The following KIF1B variants were observed in gnomAD, a reference collection of about 807,000 sequenced individuals.
KIF1B encodes the protein kinesin-like protein KIF1B.
KIF1B carries 76 observed loss-of-function variants against 241.9 expected under a neutral mutation model. The observed-to-expected ratio is 0.31, with a 90% CI of 0.26 to 0.38. The LOEUF is 0.38. Among genes scored for constraint, KIF1B ranks in the 10% least tolerant of loss-of-function variants. The pLI is 1.00. For synonymous variants in KIF1B, 750 were observed against 796.7 expected (o/e 0.94, Z 0.99); for missense variants, 1,622 against 2,271.4 (o/e 0.71, Z 5.81).
chr1:10,359,524 AC>A (rs1638353271), intron 38 of KIF1B, among the ~76,000 whole-genome samples: 1 of 152,212 alleles, frequency 6.6e-6, no homozygotes. Flanking sequence ...ATGTTGTTTT[AC>A]CAGTAGAAAA....
chr1:10,324,691 C>A, intron 25 of KIF1B, 67 bp from the exon 26 acceptor site: 1 of 1,543,998 alleles, frequency 6.5e-7, no homozygotes, highest in Non-Finnish European at 8.9e-7. Flanking sequence ...ACGGAAGATG[C>A]TTCCAAAGTG....
At chr1:10,261,772 C>G in intron 4 of KIF1B, 133 bp from the exon 5 acceptor site, 1 of 711,362 alleles carries the variant, frequency 1.4e-6, no homozygotes, top group Non-Finnish European at 2.6e-6. Context: ...TTAATCGTAT[C>G]TTGATGTTTA....
intron 1 of KIF1B, among the ~76,000 whole-genome samples, chr1:10,229,867 CAAAA>C (rs58923572): frequency 3.9e-4 from 22 of 56,464 alleles, no homozygotes; most frequent in African/African-American, 1.8e-3. Context: ...GACTCCGTCT[CAAAA>C]AAAAAAAAAA....
intron 10 of KIF1B, among the ~76,000 whole-genome samples, chr1:10,273,811 G>A (rs1648952629): frequency 6.7e-6 from 1 of 149,902 alleles, no homozygotes; most frequent in East Asian, 1.9e-4. Flanking sequence ...TAGAAAAAGT[G>A]CTTGTGCAAT....
At chr1:10,358,447 C>T (rs1014464884) in intron 38 of KIF1B, among the ~76,000 whole-genome samples, 1 of 152,062 alleles carries the variant, frequency 6.6e-6, no homozygotes, top group East Asian at 1.9e-4. Flanking sequence ...TCATAAATGC[C>T]GTCACTCTAA....
intron 22 of KIF1B, among the ~76,000 whole-genome samples, chr1:10,313,762 G>A (rs1241834257): frequency 2.0e-5 from 3 of 150,860 alleles, no homozygotes; most frequent in South Asian, 2.1e-4. Context: ...GTGTTAGCCA[G>A]GATGGTCTTG....
At position 10,326,407 on chromosome 1, in the gene KIF1B, C is replaced by T. The variant is rs1167691536; in HGVS notation, c.2924+48C>T. 1 of 1,612,494 alleles carries T rather than the reference C, an allele frequency of 6.2e-7. No homozygotes were observed. The highest frequency in any genetic ancestry group is 1.3e-5 in the African/African-American group (1 of 75,054). ...AGGCGAAAAGGGACCAGCTCTTGCT[C>T]TGAAGGCCTCCCTGCTTGCACAATT... On this transcript the variant is annotated intron_variant, in intron 27 of 48. Transcript: ENST00000676179. The surrounding 1 kb of genome is among the most constrained non-coding windows in gnomAD (Gnocchi z 5.2).
chr1:10,302,986 A>AG (rs1279358168), intron 22 of KIF1B, among the ~76,000 whole-genome samples: 2 of 139,468 alleles, frequency 1.4e-5, no homozygotes, highest in African/African-American at 2.5e-5. Context: ...ATGTCTTAAT[A>AG]GACTTCCACA....
intron 22 of KIF1B, among the ~76,000 whole-genome samples, chr1:10,313,814 TGTTG>T (rs1651184845): frequency 6.6e-6 from 1 of 151,450 alleles, no homozygotes; most frequent in African/African-American, 2.5e-5. Flanking sequence ...CCTCCCAAAG[TGTTG>T]AGATTACAGG....
intron 24 of KIF1B, among the ~76,000 whole-genome samples, chr1:10,322,745 T>G (rs1651573022): frequency 6.6e-6 from 1 of 152,162 alleles, no homozygotes; most frequent in Non-Finnish European, 1.5e-5. Flanking sequence ...TAGCCACTCC[T>G]CTCCTCAAGT....
intron 22 of KIF1B, among the ~76,000 whole-genome samples, chr1:10,309,812 C>T (rs1650990816): frequency 6.6e-6 from 1 of 151,594 alleles, no homozygotes; most frequent in Non-Finnish European, 1.5e-5. Flanking sequence ...CTTAGTCTTA[C>T]TGTAGTCTCC....
chr1:10,264,941 G>A (rs1648366818), intron 5 of KIF1B, among the ~76,000 whole-genome samples: 1 of 152,112 alleles, frequency 6.6e-6, no homozygotes, highest in Admixed American at 6.5e-5. Flanking sequence ...GATTATAGGC[G>A]TGAGCCACTG....
At chr1:10,310,876 C>T (rs1043761952) in intron 22 of KIF1B, among the ~76,000 whole-genome samples, 1 of 151,500 alleles carries the variant, frequency 6.6e-6, no homozygotes, top group South Asian at 2.1e-4. Context: ...TGAAAAGTGG[C>T]CTCTCATTGC....
chr1:10,223,358 A>G (rs1557646172), intron 1 of KIF1B, among the ~76,000 whole-genome samples: 2 of 152,150 alleles, frequency 1.3e-5, no homozygotes, highest in South Asian at 4.1e-4. Context: ...GTAATTCTTT[A>G]AAGGAGCAGG....
chr1:10,235,170 G>A (rs888391830), intron 2 of KIF1B, among the ~76,000 whole-genome samples: 6 of 151,580 alleles, frequency 4.0e-5, no homozygotes, highest in East Asian at 1.9e-4. Flanking sequence ...GATTACAGGC[G>A]TGATCCACCG....
Position 10,303,916 on chromosome 1 carries a change from G to A in KIF1B, c.2115+6670G>A. The A allele has an allele frequency of 6.2e-7, 1 of 1,614,208 alleles. No homozygotes were observed. The highest frequency in any genetic ancestry group is 1.1e-5 in the South Asian group (1 of 91,080). On this transcript the variant is annotated intron_variant, in intron 22 of 48. Coordinates refer to ENST00000676179, the MANE Select transcript of KIF1B (RefSeq NM_001365951.3). This position sits in a 1 kb window ranked among gnomAD's most constrained non-coding sequence, Gnocchi z 5.2. The stretch of plus-strand genomic sequence containing the variant: ...ACGTGTTTCCCAGCTGATGAATGGG[G>A]ATCCAGCTTTTAGACGTGGACGTCT...
Position 10,303,351 on chromosome 1 carries a change from C to T in KIF1B, c.2115+6105C>T. ...TGTATCAGATACCCCAAAGAAGGCG[C>T]TTGAGTAAAGATTCCAAGTGGGTCA... On this transcript the variant is annotated intron_variant, in intron 22 of 48. Coordinates refer to ENST00000676179, the MANE Select transcript of KIF1B (RefSeq NM_001365951.3). The surrounding 1 kb of genome is among the most constrained non-coding windows in gnomAD (Gnocchi z 5.2). 1 of 1,614,164 alleles carries T rather than the reference C, an allele frequency of 6.2e-7. No homozygotes were observed. The highest frequency in any genetic ancestry group is 8.5e-7 in the Non-Finnish European group (1 of 1,180,024).
At chr1:10,308,015 G>A in intron 22 of KIF1B, 1 of 1,058,054 alleles carries the variant, frequency 9.5e-7, no homozygotes, top group Non-Finnish European at 1.1e-6. Flanking sequence ...TTTAGGTGCA[G>A]GTTGACACTG....
chr1:10,305,208 T>C (rs1569780602), intron 22 of KIF1B: 12 of 1,046,138 alleles, frequency 1.1e-5, no homozygotes, highest in Non-Finnish European at 1.4e-5. Flanking sequence ...TTCAAACATA[T>C]CTTGCAATAC....
Sources: gnomAD v4.1 joint callset for allele counts (sites outside exome capture counted in the v4.1 genomes callset) on GRCh38, gnomAD v4.1.1 for gene constraint, Gnocchi (gnomAD v3.1) non-coding constraint, MANE v1.5 for transcripts, NCBI Gene and HGNC (gene_info 2026-07-23, HGNC 2026-07-21) for gene names.